The following BCL2L11 variants were observed in gnomAD, a reference collection of about 807,000 sequenced individuals.
BCL2L11 encodes the protein BCL2 like 11.
BCL2L11 carries 15 observed loss-of-function variants against 20.6 expected under a neutral mutation model. That is an observed-to-expected ratio of 0.73 (90% CI 0.49 to 1.12). BCL2L11 has a LOEUF of 1.12. Among genes scored for constraint, BCL2L11 ranks in the 50% most tolerant of loss-of-function variants. BCL2L11 has a pLI of 0.00. For synonymous variants in BCL2L11, 108 were observed against 92.8 expected, an observed-to-expected ratio of 1.16 and a Z score of -0.94; for missense variants, 292 against 260.9, an observed-to-expected ratio of 1.12 and a Z score of -0.82.
chr2:111,164,002 C>T (rs2078891868), intron 3 of BCL2L11, 131 bp from the exon 4 acceptor site: 2 of 635,992 alleles, frequency 3.1e-6, no homozygotes, highest in African/African-American at 1.8e-5. Flanking sequence ...TGCTTTGTGA[C>T]ACAGTGCTCT....
chr2:111,167,940 G>C lies in BCL2L11; in HGVS notation c.*3709G>C, dbSNP rs920307913. Reference sequence around the variant, plus strand: ...GGAGCTTTAAGGAGACTTCATGGTGGTTCCATGCAGGTGGTTCTGCCATCC... The same window carrying C: ...GGAGCTTTAAGGAGACTTCATGGTGCTTCCATGCAGGTGGTTCTGCCATCC... On this transcript the variant is annotated 3_prime_UTR_variant, in exon 4 of 4. Coordinates refer to ENST00000393256, the MANE Select transcript of BCL2L11 (RefSeq NM_138621.5). 3 of 152,826 alleles carry C rather than the reference G, an allele frequency of 2.0e-5. No homozygotes were observed. The highest frequency in any genetic ancestry group is 7.2e-5 in the African/African-American group (3 of 41,582). 9.5% of individuals were successfully genotyped at this position (152,826 alleles called of 1,614,324 possible).
rs2078979806 is a variant in BCL2L11, at chr2:111,165,539, T to C, written c.*1308T>C. On this transcript the variant is annotated 3_prime_UTR_variant, in exon 4 of 4. Transcript: ENST00000393256. ...TTTTCATTTTTCCAGGACAGTTGGA[T>C]ATTGTCAGGCCACTTGTGACCCCAG... 1 of 152,244 alleles carries C rather than the reference T, an allele frequency of 6.6e-6. No homozygotes were observed. Among genetic ancestry groups the C allele is most frequent in the Admixed American group, 6.5e-5 (1 of 15,282 alleles). 9.4% of individuals were successfully genotyped at this position (152,244 alleles called of 1,614,324 possible).
At chr2:111,156,592 T>TG (rs1347357215) in intron 3 of BCL2L11, among the ~76,000 whole-genome samples, 1 of 152,144 alleles carries the variant, frequency 6.6e-6, no homozygotes, top group Non-Finnish European at 1.5e-5. Flanking sequence ...GGAGAACATG[T>TG]GGCTGGGATT....
chr2:111,127,318 G>T (rs1270104317), intron 2 of BCL2L11, among the ~76,000 whole-genome samples: 5 of 151,958 alleles, frequency 3.3e-5, no homozygotes, highest in Non-Finnish European at 5.9e-5. Context: ...AGAAAAGTCA[G>T]GATATGGAGG....
intron 2 of BCL2L11, 85 bp downstream of exon 2, chr2:111,124,224 T>C: frequency 7.1e-7 from 1 of 1,414,584 alleles, no homozygotes; most frequent in Non-Finnish European, 9.6e-7. Flanking sequence ...AAATCCCCTT[T>C]TAAAACCCCG....
intron 3 of BCL2L11, chr2:111,162,941 A>AATCAC (rs1229887730): frequency 6.6e-6 from 1 of 152,266 alleles, no homozygotes; most frequent in Non-Finnish European, 1.5e-5. Flanking sequence ...AACAGATAAA[A>AATCAC]ATCACAGACT....
At chr2:111,158,865 A>G (rs17041888) in intron 3 of BCL2L11, among the ~76,000 whole-genome samples, 2,983 of 152,028 alleles carry the variant, frequency 0.02, 82 homozygotes, top group African/African-American at 0.067. Context: ...GTCTGATCTC[A>G]ACCTTTTTTT....
In BCL2L11 at chr2:111,167,237, C is replaced by T. The variant is rs2079065538; in HGVS notation, c.*3006C>T. 1 of 152,256 alleles carries T rather than the reference C, an allele frequency of 6.6e-6. No individual in the cohort carries two copies. Among genetic ancestry groups the T allele is most frequent in the Non-Finnish European group, 1.5e-5 (1 of 68,044 alleles). 9.4% of individuals were successfully genotyped at this position (152,256 alleles called of 1,614,324 possible). On this transcript the variant is annotated 3_prime_UTR_variant, in exon 4 of 4. Coordinates refer to ENST00000393256, the MANE Select transcript of BCL2L11 (RefSeq NM_138621.5). ...GCTCATTGCAGACCACGTGGTCCTC[C>T]AGGGTGGCTCTCCACCTTCGGGTCC...
intron 3 of BCL2L11, among the ~76,000 whole-genome samples, chr2:111,154,370 G>C (rs368298303): frequency 7.1e-6 from 1 of 140,548 alleles, no homozygotes; most frequent in Admixed American, 7.0e-5. Context: ...AAAAAAAAAA[G>C]AAAAAATGTA....
chr2:111,164,071 T>TGCCCCCCCC, intron 3 of BCL2L11, 62 bp from the exon 4 acceptor site: 1 of 664,736 alleles, frequency 1.5e-6, no homozygotes, highest in Non-Finnish European at 2.9e-6. Context: ...AAATATGGGC[T>TGCCCCCCCC]CCCACCCCTC....
chr2:111,165,354 A>T lies in BCL2L11; in HGVS notation c.*1123A>T, dbSNP rs1192564868. 3.3e-5 allele frequency: 5 copies of T among 152,364 alleles called. No homozygotes were observed. Among genetic ancestry groups the T allele is most frequent in the African/African-American group, 1.2e-4 (5 of 41,472 alleles). 9.4% of individuals were successfully genotyped at this position (152,364 alleles called of 1,614,324 possible). A position where few individuals can be genotyped will look rare whatever the true frequency, so the allele number is the denominator to read the frequency against. On this transcript the variant is annotated 3_prime_UTR_variant, in exon 4 of 4. Transcript: ENST00000393256. ...CTCACGCCCTCATGGGAATTGGCAC[A>T]GGCCTGGGGCAGGGCTTCTGATGGC...
chr2:111,166,463 TAA>T lies in BCL2L11; in HGVS notation c.*2234_*2235del, dbSNP rs769082980. 1 of 152,694 alleles carries T rather than the reference TAA, an allele frequency of 6.5e-6. No individual in the cohort carries two copies. Among genetic ancestry groups the T allele is most frequent in the Non-Finnish European group, 1.5e-5 (1 of 68,054 alleles). The allele number at this position is 152,694 out of a possible 1,614,324, so 9.5% of individuals were successfully genotyped here. ...AGACCAGGCTGTTGGCACCAGAACT[TAA>T]AGCGATGACTGGATGTCTCTGTACT... On this transcript the variant is annotated 3_prime_UTR_variant, in exon 4 of 4. Coordinates refer to ENST00000393256, the MANE Select transcript of BCL2L11 (RefSeq NM_138621.5).
At chr2:111,158,007 T>C (rs1319573127) in intron 3 of BCL2L11, among the ~76,000 whole-genome samples, 1 of 152,168 alleles carries the variant, frequency 6.6e-6, no homozygotes, top group Non-Finnish European at 1.5e-5. Flanking sequence ...GCCTTGGTGA[T>C]GAATAGAAAG....
At chr2:111,124,252 C>T (rs1259295070) in intron 2 of BCL2L11, 113 bp downstream of exon 2, 3 of 1,230,796 alleles carry the variant, frequency 2.4e-6, no homozygotes, top group Non-Finnish European at 3.3e-6. Flanking sequence ...TTTATTCCAT[C>T]TTTAGATGGG....
chr2:111,153,818 A>G, intron 3 of BCL2L11: 3 of 1,551,998 alleles, frequency 1.9e-6, no homozygotes, highest in Middle Eastern at 1.7e-4. Context: ...GTTGTCATGT[A>G]TTCAGTCCAC....
At chr2:111,149,638 C>T (rs933823444) in intron 2 of BCL2L11, among the ~76,000 whole-genome samples, 5 of 152,070 alleles carry the variant, frequency 3.3e-5, no homozygotes, top group African/African-American at 9.7e-5. Context: ...GGAATATTTG[C>T]CTTGTAATAA....
intron 3 of BCL2L11, chr2:111,153,729 T>G: frequency 6.4e-7 from 1 of 1,551,378 alleles, no homozygotes; most frequent in South Asian, 1.2e-5. Context: ...GTTAGTCTTT[T>G]ATTGCCACGA....
intron 3 of BCL2L11, 27 bp from the exon 4 acceptor site, chr2:111,164,106 T>C (rs1345916600): frequency 1.7e-6 from 1 of 592,264 alleles, no homozygotes; most frequent in South Asian, 1.4e-5. Flanking sequence ...AGGGAGAAAC[T>C]AAGAAGCTTT....
At chr2:111,124,523 C>G (rs2072076817) in intron 2 of BCL2L11, among the ~76,000 whole-genome samples, 1 of 152,278 alleles carries the variant, frequency 6.6e-6, no homozygotes, top group South Asian at 2.1e-4. Flanking sequence ...ATCTCCTGAC[C>G]TTGTAATCTG....
Sources: allele counts gnomAD v4.1 joint callset (sites outside exome capture counted in the v4.1 genomes callset), GRCh38; gene constraint gnomAD v4.1.1; transcripts MANE v1.5; gene names NCBI Gene and HGNC (gene_info 2026-07-23, HGNC 2026-07-21).